Variants in DLGAP4 observed in about 807,000 individuals in gnomAD.
DLGAP4 encodes DLG associated protein 4, also known as disks large-associated protein 4.
Under a neutral mutation model 86.9 loss-of-function variants are expected in DLGAP4, and 18 were observed. The observed-to-expected ratio is 0.21, with a 90% CI of 0.14 to 0.31. The LOEUF is 0.31. Ranked by LOEUF, DLGAP4 falls within the 10% of genes least tolerant of loss-of-function variation. The pLI is 1.00. For synonymous variants in DLGAP4, 548 were observed against 574.3 expected (o/e 0.95, Z 0.65); for missense variants, 1,085 against 1,362.6 (o/e 0.80, Z 3.21).
At chr20:36,428,398 G>C (rs1390441963) in intron 2 of DLGAP4, among the ~76,000 whole-genome samples, 1 of 152,206 alleles carries the variant, frequency 6.6e-6, no homozygotes, top group South Asian at 2.1e-4. Context: ...AAACACATGA[G>C]AGTTTCCCAG....
At chr20:36,491,030 TAA>T (rs757935259) in intron 7 of DLGAP4, among the ~76,000 whole-genome samples, 134 of 101,408 alleles carry the variant, frequency 1.3e-3, no homozygotes, top group Middle Eastern at 5.3e-3. Flanking sequence ...CCATCTCTAC[TAA>T]AAAAAAAAAA....
At chr20:36,511,114 T>G (rs1405931781) in intron 10 of DLGAP4, 1 of 152,218 alleles carries the variant, frequency 6.6e-6, no homozygotes, top group Non-Finnish European at 1.5e-5. Flanking sequence ...TAAGTCAACT[T>G]TATCACTCCA....
chr20:36,522,061 T>C (rs1344546941), intron 10 of DLGAP4, among the ~76,000 whole-genome samples: 2 of 152,170 alleles, frequency 1.3e-5, no homozygotes, highest in Non-Finnish European at 2.9e-5. Flanking sequence ...CACAGGCAAC[T>C]ACAGGGCTCC....
intron 1 of DLGAP4, among the ~76,000 whole-genome samples, chr20:36,332,730 C>G (rs1482112654): frequency 4.6e-5 from 7 of 152,038 alleles, no homozygotes; most frequent in Non-Finnish European, 8.8e-5. Flanking sequence ...AGTGGAGACT[C>G]AGAGGGGAAA....
chr20:36,358,681 G>A (rs1258423862), intron 1 of DLGAP4, among the ~76,000 whole-genome samples: 1 of 152,116 alleles, frequency 6.6e-6, no homozygotes, highest in Non-Finnish European at 1.5e-5. Context: ...GGTGGTGGAC[G>A]CCTGTAGTCC....
chr20:36,394,495 G>A (rs879634160), intron 2 of DLGAP4, among the ~76,000 whole-genome samples: 3 of 152,202 alleles, frequency 2.0e-5, no homozygotes, highest in East Asian at 1.9e-4. Flanking sequence ...GGGGCATGAC[G>A]TCAGTCATTA....
chr20:36,484,038 C>G (rs1417309835), intron 7 of DLGAP4, among the ~76,000 whole-genome samples: 4 of 152,242 alleles, frequency 2.6e-5, no homozygotes, highest in Admixed American at 2.6e-4. Context: ...TAAAGAGCAG[C>G]TAAATGCACT....
chr20:36,342,586 G>T (rs143616072), intron 1 of DLGAP4, among the ~76,000 whole-genome samples: 1 of 152,320 alleles, frequency 6.6e-6, no homozygotes, highest in Non-Finnish European at 1.5e-5. Flanking sequence ...ATTGGGGCCC[G>T]CAGGGAGCAA....
chr20:36,343,836 G>A (rs2065409073), intron 1 of DLGAP4, among the ~76,000 whole-genome samples: 1 of 152,242 alleles, frequency 6.6e-6, no homozygotes, highest in Admixed American at 6.5e-5. Context: ...GCTGGCAAGG[G>A]CACTGGTGGG....
intron 1 of DLGAP4, among the ~76,000 whole-genome samples, chr20:36,311,339 G>A (rs1389152601): frequency 2.0e-5 from 3 of 152,112 alleles, no homozygotes; most frequent in Admixed American, 1.3e-4. Flanking sequence ...TTCCTGAGCC[G>A]AGGAGTGGGG....
At chr20:36,397,951 G>A (rs2032048404) in intron 2 of DLGAP4, among the ~76,000 whole-genome samples, 1 of 152,092 alleles carries the variant, frequency 6.6e-6, no homozygotes, top group African/African-American at 2.4e-5. Context: ...GTGAAACCCT[G>A]TCTCTACTAA....
chr20:36,516,849 G>A (rs1383475145), intron 10 of DLGAP4, among the ~76,000 whole-genome samples: 1 of 151,906 alleles, frequency 6.6e-6, no homozygotes, highest in Non-Finnish European at 1.5e-5. Flanking sequence ...CCAACACTTT[G>A]GGAGGCTGAG....
intron 10 of DLGAP4, among the ~76,000 whole-genome samples, chr20:36,501,581 G>T (rs938208137): frequency 7.3e-5 from 11 of 151,642 alleles, no homozygotes; most frequent in Non-Finnish European, 1.3e-4. Context: ...TTGGGTGGTG[G>T]AAGGCAGGTC....
intron 1 of DLGAP4, among the ~76,000 whole-genome samples, chr20:36,330,024 C>CAAA (rs574074810): frequency 2.6e-5 from 3 of 116,332 alleles, no homozygotes; most frequent in African/African-American, 6.1e-5. Flanking sequence ...ACTCTTGTCT[C>CAAA]AAAAAAAAAA....
At chr20:36,382,210 G>A (rs2031419067) in intron 2 of DLGAP4, among the ~76,000 whole-genome samples, 2 of 152,180 alleles carry the variant, frequency 1.3e-5, no homozygotes, top group Non-Finnish European at 2.9e-5. Flanking sequence ...TTGGCCCATT[G>A]AAACCTTGGT....
intron 7 of DLGAP4, among the ~76,000 whole-genome samples, chr20:36,488,891 A>G (rs2035536528): frequency 6.6e-6 from 1 of 152,184 alleles, no homozygotes; most frequent in African/African-American, 2.4e-5. Flanking sequence ...TTTACTTAAT[A>G]TACTATTGAT....
intron 2 of DLGAP4, among the ~76,000 whole-genome samples, chr20:36,372,048 T>C (rs2030961972): frequency 6.6e-6 from 1 of 152,168 alleles, no homozygotes; most frequent in East Asian, 1.9e-4. Flanking sequence ...CAGATCTGGG[T>C]CATCCCTTTG....
At chr20:36,520,904 C>T (rs1198974560) in intron 10 of DLGAP4, among the ~76,000 whole-genome samples, 2 of 152,136 alleles carry the variant, frequency 1.3e-5, no homozygotes, top group Admixed American at 1.3e-4. Flanking sequence ...GTGATCTTGG[C>T]TCACTGCAAC....
chr20:36,495,610 T>C (rs775904548), intron 7 of DLGAP4, among the ~76,000 whole-genome samples: 3 of 152,224 alleles, frequency 2.0e-5, no homozygotes, highest in African/African-American at 4.8e-5. Context: ...TTTGGTGTTC[T>C]GGGCTCCTGC....
Sources: gnomAD v4.1 joint callset for allele counts (sites outside exome capture counted in the v4.1 genomes callset) on GRCh38, gnomAD v4.1.1 for gene constraint, MANE v1.5 for transcripts, NCBI Gene and HGNC (gene_info 2026-07-23, HGNC 2026-07-21) for gene names.